Variants in DCC observed in about 807,000 individuals in gnomAD.
The protein encoded by DCC is netrin receptor DCC.
In DCC, 58 loss-of-function variants were observed where a neutral mutation model predicts 172.5. The observed-to-expected ratio is 0.34, with a 90% CI of 0.27 to 0.42. DCC has a LOEUF of 0.42. Among genes scored for constraint, DCC ranks in the 10% least tolerant of loss-of-function variants. The pLI, the probability that DCC is intolerant of heterozygous loss-of-function variation, is 1.00. For missense variants in DCC, 1,740 were observed against 1,791.0 expected, an observed-to-expected ratio of 0.97 and a Z score of 0.51; for synonymous variants, 709 against 644.5, an observed-to-expected ratio of 1.10 and a Z score of -1.52.
chr18:52,427,835 T>TCTTCCTTCCTTTCTTTATTC (rs1481412682), intron 1 of DCC, among the ~76,000 whole-genome samples: 1 of 46,020 alleles, frequency 2.2e-5, no homozygotes, highest in African/African-American at 6.1e-5. Context: ...TTCCTTCCTT[T>TCTTCCTTCCTTTCTTTATTC]CTTCCTTCCT....
In DCC at chr18:53,321,985, C is replaced by T. The variant is rs1007375268; in HGVS notation, c.2054-62C>T. The T allele has an allele frequency of 8.9e-6, 8 of 898,972 alleles. No homozygotes were observed. In the Admixed American group the frequency reaches 1.2e-4, roughly 13 times the overall value. 55.7% of individuals were successfully genotyped at this position (898,972 alleles called of 1,614,324 possible). ...ACAATTTTGCTGAAGCTTTTGGAAA[C>T]CCAGGTAGGAATACTTGGTGCATAG... On this transcript the variant is annotated intron_variant, in intron 13 of 28. Coordinates refer to ENST00000442544, the MANE Select transcript of DCC (RefSeq NM_005215.4).
At chr18:52,427,821 T>C (rs893894453) in intron 1 of DCC, among the ~76,000 whole-genome samples, 1 of 92,808 alleles carries the variant, frequency 1.1e-5, no homozygotes, top group Non-Finnish European at 2.1e-5. Context: ...CCTTTCTTCC[T>C]TCCTTCCTTC....
intron 1 of DCC, among the ~76,000 whole-genome samples, chr18:52,510,232 CCTT>C: frequency 6.6e-6 from 1 of 152,240 alleles, no homozygotes; most frequent in Non-Finnish European, 1.5e-5. Flanking sequence ...AGACATAAGC[CCTT>C]CTCTGAATGT....
intron 9 of DCC, among the ~76,000 whole-genome samples, chr18:53,201,880 A>C (rs1282720409): frequency 1.3e-5 from 2 of 152,222 alleles, no homozygotes; most frequent in African/African-American, 4.8e-5. Flanking sequence ...TCTAGGAGTA[A>C]GGGTTCTTTC....
At chr18:53,495,002 G>A (rs1212395308) in intron 26 of DCC, among the ~76,000 whole-genome samples, 1 of 152,104 alleles carries the variant, frequency 6.6e-6, no homozygotes, top group Non-Finnish European at 1.5e-5. Context: ...GCCTGGTGGT[G>A]ACAAAAATCT....
chr18:53,028,690 GTC>G (rs1568254907), intron 5 of DCC, among the ~76,000 whole-genome samples: 1 of 152,094 alleles, frequency 6.6e-6, no homozygotes, highest in African/African-American at 2.4e-5. Context: ...AAGGACAATA[GTC>G]TCAATGTTAA....
chr18:52,351,855 T>C (rs1050595856), intron 1 of DCC, among the ~76,000 whole-genome samples: 4 of 152,232 alleles, frequency 2.6e-5, no homozygotes, highest in Admixed American at 2.0e-4. Context: ...TTACAGTTCA[T>C]TTAGAAGTCA....
At chr18:52,995,295 G>C (rs2041460294) in intron 5 of DCC, among the ~76,000 whole-genome samples, 1 of 152,012 alleles carries the variant, frequency 6.6e-6, no homozygotes, top group African/African-American at 2.4e-5. Context: ...TTATCCAAAG[G>C]TTAAGTCAGC....
At chr18:52,507,127 A>G (rs2031258969) in intron 1 of DCC, among the ~76,000 whole-genome samples, 1 of 152,186 alleles carries the variant, frequency 6.6e-6, no homozygotes, top group Non-Finnish European at 1.5e-5. Flanking sequence ...CTAATCCTTT[A>G]TAGCCTAATA....
chr18:52,957,273 G>GA (rs1388076079), intron 5 of DCC, among the ~76,000 whole-genome samples: 1 of 151,946 alleles, frequency 6.6e-6, no homozygotes, highest in Admixed American at 6.6e-5. Context: ...GAAGTGTATG[G>GA]AAAACTCATA....
intron 1 of DCC, among the ~76,000 whole-genome samples, chr18:52,731,984 C>T (rs534957546): frequency 9.9e-5 from 15 of 152,232 alleles, no homozygotes; most frequent in African/African-American, 3.6e-4. Context: ...CTTTTTACGG[C>T]TTTCTATATG....
At chr18:52,890,454 C>T (rs1324681578) in intron 2 of DCC, among the ~76,000 whole-genome samples, 1 of 152,062 alleles carries the variant, frequency 6.6e-6, no homozygotes, top group Admixed American at 6.6e-5. Context: ...TTTCATAAAA[C>T]CGCCTAAAAC....
At chr18:53,020,394 T>C (rs2041863443) in intron 5 of DCC, among the ~76,000 whole-genome samples, 1 of 152,158 alleles carries the variant, frequency 6.6e-6, no homozygotes, top group Non-Finnish European at 1.5e-5. Context: ...TCTGAAAATA[T>C]TTATAATAGA....
At chr18:52,341,504 G>A (rs1983634665) in intron 1 of DCC, among the ~76,000 whole-genome samples, 1 of 152,148 alleles carries the variant, frequency 6.6e-6, no homozygotes, top group African/African-American at 2.4e-5. Flanking sequence ...ATTTTTTAAC[G>A]GTGAATGTAG....
intron 5 of DCC, among the ~76,000 whole-genome samples, chr18:53,021,369 T>C (rs2041879398): frequency 6.6e-6 from 1 of 152,184 alleles, no homozygotes; most frequent in African/African-American, 2.4e-5. Flanking sequence ...AGTGAATACT[T>C]GAGCAGAGAG....
chr18:53,378,965 G>T (rs1367069128), intron 15 of DCC, among the ~76,000 whole-genome samples: 2 of 152,240 alleles, frequency 1.3e-5, no homozygotes, highest in East Asian at 3.8e-4. Context: ...TAATGAAGTA[G>T]AATTGAATGC....
At chr18:52,494,185 T>C (rs371928514) in intron 1 of DCC, among the ~76,000 whole-genome samples, 2 of 152,178 alleles carry the variant, frequency 1.3e-5, no homozygotes, top group East Asian at 1.9e-4. Flanking sequence ...TTGAGAAAAA[T>C]GCCTGTTTTC....
chr18:52,347,394 T>C (rs1983925151), intron 1 of DCC, among the ~76,000 whole-genome samples: 1 of 152,180 alleles, frequency 6.6e-6, no homozygotes, highest in Non-Finnish European at 1.5e-5. Flanking sequence ...ATACAATACA[T>C]CACTATGACT....
intron 5 of DCC, among the ~76,000 whole-genome samples, chr18:53,033,200 C>A (rs914095669): frequency 1.3e-5 from 2 of 152,090 alleles, no homozygotes; most frequent in South Asian, 2.1e-4. Context: ...AAACCCCAAG[C>A]ATGCCATGGT....
Sources: gnomAD v4.1 joint callset for allele counts (sites outside exome capture counted in the v4.1 genomes callset) on GRCh38, gnomAD v4.1.1 for gene constraint, MANE v1.5 for transcripts, NCBI Gene and HGNC (gene_info 2026-07-23, HGNC 2026-07-21) for gene names.